Variants in PPP2R2C observed in about 807,000 individuals in gnomAD.
The protein encoded by PPP2R2C is protein phosphatase 2, regulatory subunit B, gamma.
PPP2R2C carries 10 observed loss-of-function variants against 45.3 expected under a neutral mutation model. The observed-to-expected ratio is 0.22, with a 90% CI of 0.14 to 0.37. The LOEUF (loss-of-function observed/expected upper bound fraction) is 0.37, where lower values mean the gene tolerates loss of function less well. Ranked by LOEUF, PPP2R2C falls within the 10% of genes least tolerant of loss-of-function variation. The probability of loss-of-function intolerance (pLI) is 1.00; values close to 1 mark genes in which losing one functional copy is unlikely to be tolerated. For synonymous variants in PPP2R2C, 257 were observed against 245.4 expected (o/e 1.05, Z -0.44); for missense variants, 308 against 619.7 (o/e 0.50, Z 5.34).
chr4:6,364,278 T>C lies in PPP2R2C; in HGVS notation c.625+8245A>G, dbSNP rs1026901054. ...AACAGCCAGTGCAAAATGGCTCTGC[T>C]GCAGGAGATGGCTGGAAATATGGTG... On this transcript the variant is annotated intron_variant, in intron 5 of 8. Coordinates refer to ENST00000382599, the MANE Select transcript of PPP2R2C (RefSeq NM_020416.4). This position sits in a 1 kb window ranked among gnomAD's most constrained non-coding sequence, Gnocchi z 5.3. 6.6e-6 allele frequency among the ~76,000 whole-genome samples: 1 copy of C among 152,132 alleles called. No homozygotes were observed. The highest frequency in any genetic ancestry group is 1.5e-5 in the Non-Finnish European group (1 of 68,022).
At chr4:6,559,583 A>G (rs767877202) in intron 1 of PPP2R2C, among the ~76,000 whole-genome samples, 4 of 152,066 alleles carry the variant, frequency 2.6e-5, no homozygotes, top group Non-Finnish European at 5.9e-5. Context: ...TGTGGACTGG[A>G]TGCTTGTGTC....
intron 1 of PPP2R2C, among the ~76,000 whole-genome samples, chr4:6,440,879 T>C (rs1577184490): frequency 6.6e-6 from 1 of 151,668 alleles, no homozygotes; most frequent in East Asian, 1.9e-4. Context: ...CCAGGAAGGG[T>C]GTAGGGAAGT....
chr4:6,423,964 T>A (rs1719130634), intron 1 of PPP2R2C, among the ~76,000 whole-genome samples: 1 of 152,220 alleles, frequency 6.6e-6, no homozygotes, highest in African/African-American at 2.4e-5. Flanking sequence ...ACTGATTTCG[T>A]CCATTCACTG....
At chr4:6,337,399 C>G (rs1326392204) in intron 6 of PPP2R2C, among the ~76,000 whole-genome samples, 2 of 151,860 alleles carry the variant, frequency 1.3e-5, no homozygotes. Context: ...CTCAGCGGGA[C>G]CTGGTGGCCC....
chr4:6,490,822 C>T lies in PPP2R2C; in HGVS notation c.49+44449G>A, dbSNP rs146807854. On this transcript the variant is annotated intron_variant, in intron 2 of 9. Coordinates refer to the PPP2R2C transcript ENST00000506140. ...CATGCCGCACCCTGGGCAAACACTC[C>T]TCAAGCAGGATTTCACTCCACTTCC... Among the ~76,000 whole-genome samples, 323 of 152,338 alleles carry T rather than the reference C, an allele frequency of 2.1e-3. 1 individual carries two copies. The highest frequency in any genetic ancestry group is 3.5e-3 in the Non-Finnish European group (236 of 68,022).
intron 2 of PPP2R2C, among the ~76,000 whole-genome samples, chr4:6,509,440 A>G (rs1261194532): frequency 6.6e-6 from 1 of 152,144 alleles, no homozygotes; most frequent in East Asian, 1.9e-4. Context: ...TCAGAAATCA[A>G]TAACTGCAAT....
At chr4:6,366,342 G>T (rs188029394) in intron 5 of PPP2R2C, among the ~76,000 whole-genome samples, 84 of 152,304 alleles carry the variant, frequency 5.5e-4, no homozygotes, top group Non-Finnish European at 1.0e-3. Context: ...TGGGGTCTCT[G>T]ATTCCCCAGG....
intron 1 of PPP2R2C, among the ~76,000 whole-genome samples, chr4:6,465,210 A>C (rs1721532009): frequency 6.6e-6 from 1 of 151,634 alleles, no homozygotes; most frequent in Non-Finnish European, 1.5e-5. Flanking sequence ...CCCCTACTTC[A>C]CCTCCCCACC....
chr4:6,478,392 T>A (rs753390413), intron 2 of PPP2R2C, among the ~76,000 whole-genome samples: 12 of 152,228 alleles, frequency 7.9e-5, no homozygotes, highest in Non-Finnish European at 1.5e-4. Context: ...CTAGCGTCTC[T>A]TCTGAGTGCA....
chr4:6,536,229 A>T (rs1296865433), intron 1 of PPP2R2C, among the ~76,000 whole-genome samples: 1 of 152,224 alleles, frequency 6.6e-6, no homozygotes, highest in Non-Finnish European at 1.5e-5. Context: ...AGGGGCACAC[A>T]AAGTTTTATG....
intron 1 of PPP2R2C, among the ~76,000 whole-genome samples, chr4:6,438,326 A>G (rs1719990043): frequency 6.6e-6 from 1 of 152,246 alleles, no homozygotes; most frequent in South Asian, 2.1e-4. Context: ...AGAGGAAGCA[A>G]CTGAATGCAA....
intron 8 of PPP2R2C, among the ~76,000 whole-genome samples, chr4:6,327,208 C>A (rs1485456610): frequency 6.6e-6 from 1 of 152,220 alleles, no homozygotes; most frequent in African/African-American, 2.4e-5. Flanking sequence ...CAGGGCACCC[C>A]ACCCATTGCG....
intron 1 of PPP2R2C, among the ~76,000 whole-genome samples, chr4:6,433,754 T>C (rs1020041763): frequency 6.6e-6 from 1 of 152,202 alleles, no homozygotes; most frequent in African/African-American, 2.4e-5. Context: ...CAACAACTTA[T>C]GAAACAGGCA....
intron 1 of PPP2R2C, among the ~76,000 whole-genome samples, chr4:6,457,093 C>T (rs1049546230): frequency 8.6e-5 from 13 of 151,326 alleles, no homozygotes; most frequent in South Asian, 2.1e-4. Flanking sequence ...CCTGTAATCC[C>T]AGCTACTCAG....
At chr4:6,405,765 T>A (rs1467449842) in intron 1 of PPP2R2C, among the ~76,000 whole-genome samples, 2 of 152,114 alleles carry the variant, frequency 1.3e-5, no homozygotes, top group Admixed American at 1.3e-4. Context: ...AGTGCCATCT[T>A]GATGATCATA....
At chr4:6,383,502 C>A in intron 1 of PPP2R2C, 1 of 1,113,740 alleles carries the variant, frequency 9.0e-7, no homozygotes, top group South Asian at 1.3e-5. Flanking sequence ...ACCTGCTGTC[C>A]CAAGACCTGC....
chr4:6,470,208 A>T (rs987550824), intron 1 of PPP2R2C, among the ~76,000 whole-genome samples: 1 of 152,188 alleles, frequency 6.6e-6, no homozygotes, highest in Non-Finnish European at 1.5e-5. Context: ...TCCCTGATAG[A>T]ATTCAGGCCG....
intron 2 of PPP2R2C, among the ~76,000 whole-genome samples, chr4:6,530,758 T>C (rs1724369684): frequency 6.6e-6 from 1 of 152,186 alleles, no homozygotes; most frequent in African/African-American, 2.4e-5. Context: ...CCACTGAACA[T>C]GCAAAGCTCT....
At position 6,351,004 on chromosome 4, in the gene PPP2R2C, C is replaced by CT. The variant is rs1354466686; in HGVS notation, c.626-2995dup. The CT allele has an allele frequency of 5.1e-6, 5 of 985,232 alleles. No individual in the cohort carries two copies. In the African/African-American group the frequency reaches 8.7e-5, roughly 17 times the overall value. 61.0% of individuals were successfully genotyped at this position (985,232 alleles called of 1,614,324 possible). On this transcript the variant is annotated intron_variant, in intron 5 of 8. Transcript: ENST00000382599. ...TTTCCCACCTGGGGATGTTTCAGAACTTTTCAAAGTATGTAGGAGGCCAGG... is the reference window on the plus strand; with the variant it reads ...TTTCCCACCTGGGGATGTTTCAGAACTTTTTCAAAGTATGTAGGAGGCCAGG...
Sources: gnomAD v4.1 joint callset for allele counts (sites outside exome capture counted in the v4.1 genomes callset) on GRCh38, gnomAD v4.1.1 for gene constraint, Gnocchi (gnomAD v3.1) non-coding constraint, MANE v1.5 for transcripts, NCBI Gene and HGNC (gene_info 2026-07-23, HGNC 2026-07-21) for gene names.